TMEM178B: variants seen among roughly 807,000 people sequenced by gnomAD.
The protein encoded by TMEM178B is transmembrane protein 178B.
A neutral mutation model predicts 31.0 loss-of-function variants in TMEM178B; 5 were observed. The ratio of observed to expected loss-of-function variants is 0.16; its 90% CI spans 0.08 to 0.34. TMEM178B has a LOEUF of 0.34. Ranked by LOEUF, TMEM178B falls within the 10% of genes least tolerant of loss-of-function variation. TMEM178B has a pLI of 1.00. For synonymous variants in TMEM178B, 164 were observed against 164.0 expected (o/e 1.00, Z 0.00); for missense variants, 275 against 400.3 (o/e 0.69, Z 2.67).
At chr7:141,340,088 T>C (rs1467327033) in intron 2 of TMEM178B, among the ~76,000 whole-genome samples, 1 of 152,162 alleles carries the variant, frequency 6.6e-6, no homozygotes, top group Non-Finnish European at 1.5e-5. Context: ...ACTTTGAAGA[T>C]GTGATTAAGT....
chr7:141,098,646 T>G (rs1039578339), intron 1 of TMEM178B, among the ~76,000 whole-genome samples: 1 of 152,208 alleles, frequency 6.6e-6, no homozygotes, highest in Non-Finnish European at 1.5e-5. Flanking sequence ...TCTTAGAGAT[T>G]TATTGTGAAG....
intron 1 of TMEM178B, among the ~76,000 whole-genome samples, chr7:141,200,392 T>A (rs1205828450): frequency 6.6e-6 from 1 of 150,998 alleles, no homozygotes; most frequent in Non-Finnish European, 1.5e-5. Flanking sequence ...GAGAGGTGGT[T>A]TTTTTAGTGG....
intron 1 of TMEM178B, among the ~76,000 whole-genome samples, chr7:141,175,922 C>T (rs753340245): frequency 6.6e-6 from 1 of 152,148 alleles, no homozygotes; most frequent in African/African-American, 2.4e-5. Context: ...ATTTGACTTC[C>T]TCTTTTCCTA....
chr7:141,202,508 A>G (rs1411065950), intron 1 of TMEM178B, among the ~76,000 whole-genome samples: 2 of 152,260 alleles, frequency 1.3e-5, no homozygotes, highest in African/African-American at 4.8e-5. Flanking sequence ...TACGCAATGC[A>G]TACAAAACAA....
chr7:141,346,253 C>CA (rs778428399), intron 2 of TMEM178B, among the ~76,000 whole-genome samples: 63 of 151,750 alleles, frequency 4.2e-4, no homozygotes, highest in Admixed American at 1.2e-3. Context: ...AAAAAACAAA[C>CA]AAAAAAACCT....
intron 2 of TMEM178B, among the ~76,000 whole-genome samples, chr7:141,380,820 AG>A (rs1800301460): frequency 1.3e-5 from 2 of 152,230 alleles, no homozygotes; most frequent in Non-Finnish European, 2.9e-5. Context: ...GATGTGAAGT[AG>A]TCTCAGCATG....
chr7:141,158,308 C>G (rs1414319935), intron 1 of TMEM178B, among the ~76,000 whole-genome samples: 2 of 152,248 alleles, frequency 1.3e-5, no homozygotes, highest in East Asian at 3.9e-4. Context: ...GTTGGTCAGG[C>G]TGCTCTCGAA....
chr7:141,091,271 G>A (rs902321499), intron 1 of TMEM178B, among the ~76,000 whole-genome samples: 86 of 152,214 alleles, frequency 5.6e-4, no homozygotes, highest in African/African-American at 2.0e-3. Flanking sequence ...AAAAAAAATT[G>A]TAAATATTAT....
the TMEM178B span, among the ~76,000 whole-genome samples, chr7:141,502,243 C>T: frequency 4.6e-5 from 7 of 151,794 alleles, no homozygotes; most frequent in South Asian, 1.5e-3. Context: ...CTCTCCTTTC[C>T]ACCTCTCCCA....
chr7:141,246,190 G>A (rs1316595954), intron 2 of TMEM178B, among the ~76,000 whole-genome samples: 4 of 152,198 alleles, frequency 2.6e-5, no homozygotes, highest in Admixed American at 2.0e-4. Flanking sequence ...AGCAGCAAAT[G>A]TGTCCATTTT....
intron 2 of TMEM178B, among the ~76,000 whole-genome samples, chr7:141,290,224 GC>G (rs1368060043): frequency 6.6e-6 from 1 of 152,224 alleles, no homozygotes; most frequent in African/African-American, 2.4e-5. Context: ...TTGGGAGAAA[GC>G]ATCTGTTTGG....
chr7:141,300,823 C>G (rs932910225), intron 2 of TMEM178B, among the ~76,000 whole-genome samples: 2 of 152,144 alleles, frequency 1.3e-5, no homozygotes, highest in African/African-American at 4.8e-5. Flanking sequence ...CCCATCCTTC[C>G]CTCTTTCCTC....
At chr7:141,416,991 T>G (rs372300722) in intron 2 of TMEM178B, among the ~76,000 whole-genome samples, 3 of 152,206 alleles carry the variant, frequency 2.0e-5, no homozygotes, top group South Asian at 2.1e-4. Flanking sequence ...TTGGAAAACA[T>G]AAAAGCAAAG....
intron 1 of TMEM178B, among the ~76,000 whole-genome samples, chr7:141,079,114 C>CAGCCTCGCCAA (rs1794643767): frequency 6.6e-6 from 1 of 152,112 alleles, no homozygotes; most frequent in Non-Finnish European, 1.5e-5. Flanking sequence ...TGGTGAAAAC[C>CAGCCTCGCCAA]CATCTCTAGT....
chr7:141,291,985 G>A (rs1462425081), intron 2 of TMEM178B, among the ~76,000 whole-genome samples: 1 of 140,604 alleles, frequency 7.1e-6, no homozygotes, highest in East Asian at 2.1e-4. Context: ...TTTCCTTATT[G>A]GCTCTTTGTT....
chr7:141,199,030 T>C (rs112597696), intron 1 of TMEM178B, among the ~76,000 whole-genome samples: 1 of 152,296 alleles, frequency 6.6e-6, no homozygotes, highest in East Asian at 1.9e-4. Context: ...GGAAAATACA[T>C]GAGCGAAGTG....
At chr7:141,149,555 A>G (rs189933048) in intron 1 of TMEM178B, among the ~76,000 whole-genome samples, 1 of 152,342 alleles carries the variant, frequency 6.6e-6, no homozygotes, top group East Asian at 1.9e-4. Flanking sequence ...AACAACAACA[A>G]CAACAACAGG....
intron 2 of TMEM178B, among the ~76,000 whole-genome samples, chr7:141,413,853 G>C (rs1563175907): frequency 6.6e-6 from 1 of 151,922 alleles, no homozygotes; most frequent in Non-Finnish European, 1.5e-5. Context: ...TTATTGTGGG[G>C]AATTTAGAAA....
chr7:141,273,963 C>G (rs753713446), intron 2 of TMEM178B, among the ~76,000 whole-genome samples: 1 of 152,262 alleles, frequency 6.6e-6, no homozygotes, highest in Non-Finnish European at 1.5e-5. Flanking sequence ...ATCCATACCA[C>G]TTGGTGGTGG....
Sources: gnomAD v4.1 joint callset for allele counts (sites outside exome capture counted in the v4.1 genomes callset) on GRCh38, gnomAD v4.1.1 for gene constraint, MANE v1.5 for transcripts, NCBI Gene and HGNC (gene_info 2026-07-23, HGNC 2026-07-21) for gene names.